Variants in LYZL4 observed in about 807,000 individuals in gnomAD.
LYZL4 encodes lysozyme-like protein 4.
A neutral mutation model predicts 17.6 loss-of-function variants in LYZL4; 13 were observed. That is an observed-to-expected ratio of 0.74 (90% CI 0.48 to 1.18). The LOEUF is 1.18. Ranked by LOEUF, LYZL4 falls within the 50% of genes most tolerant of loss-of-function variation. The pLI, the probability that LYZL4 is intolerant of heterozygous loss-of-function variation, is 0.00. For missense variants in LYZL4, 174 were observed against 188.2 expected, an observed-to-expected ratio of 0.92 and a Z score of 0.44; for synonymous variants, 64 against 67.7, an observed-to-expected ratio of 0.95 and a Z score of 0.27.
the LYZL4 span, among the ~76,000 whole-genome samples, chr3:42,371,181 T>C: frequency 1.3e-5 from 2 of 152,240 alleles, no homozygotes; most frequent in Non-Finnish European, 1.5e-5. Flanking sequence ...GTTGTCCTAG[T>C]CTGGATGGTG....
At chr3:42,407,089 G>C in intron 2 of LYZL4, 24 bp downstream of exon 2, 1 of 1,613,682 alleles carries the variant, frequency 6.2e-7, no homozygotes, top group Non-Finnish European at 8.5e-7. Flanking sequence ...TGAGAGGAGG[G>C]AGCACTAAGT....
chr3:42,399,539 G>A (rs1365031610), intron 4 of LYZL4, among the ~76,000 whole-genome samples: 3 of 152,160 alleles, frequency 2.0e-5, no homozygotes, highest in Admixed American at 2.0e-4. Context: ...ATAATGCCAA[G>A]ATTCATGAGC....
At chr3:42,393,685 G>A (rs1698517436), downstream of LYZL4, among the ~76,000 whole-genome samples, 1 of 152,216 alleles carries the variant, frequency 6.6e-6, no homozygotes, top group Admixed American at 6.5e-5. Context: ...GAGTTATCTG[G>A]AGAAGCTTTG....
chr3:42,402,330 T>A (rs1197955604), intron 4 of LYZL4, among the ~76,000 whole-genome samples: 1 of 149,936 alleles, frequency 6.7e-6, no homozygotes, highest in African/African-American at 2.5e-5. Flanking sequence ...TTTTTTTTTT[T>A]TTGAGATGTC....
the LYZL4 span, among the ~76,000 whole-genome samples, chr3:42,389,841 C>G: frequency 6.6e-6 from 1 of 152,160 alleles, no homozygotes; most frequent in Non-Finnish European, 1.5e-5. Flanking sequence ...TAGTACCTCT[C>G]TCCACTCCCT....
the LYZL4 span, among the ~76,000 whole-genome samples, chr3:42,366,382 C>A: frequency 6.6e-6 from 1 of 152,188 alleles, no homozygotes; most frequent in African/African-American, 2.4e-5. Context: ...TGCCTTTCTT[C>A]CCTGGCACAC....
chr3:42,377,104 A>G, the LYZL4 span, among the ~76,000 whole-genome samples: 12,536 of 152,278 alleles, frequency 0.082, 784 homozygotes, highest in East Asian at 0.3. Context: ...AAAGGGCTGC[A>G]GGATCCTGAA....
intron 3 of LYZL4, among the ~76,000 whole-genome samples, chr3:42,404,652 G>C (rs953778994): frequency 4.6e-5 from 7 of 152,236 alleles, no homozygotes; most frequent in African/African-American, 1.2e-4. Context: ...TGGAGAGATA[G>C]AGATATAGAT....
At chr3:42,373,650 C>T in the LYZL4 span, among the ~76,000 whole-genome samples, 3 of 152,110 alleles carry the variant, frequency 2.0e-5, no homozygotes, top group African/African-American at 4.8e-5. Flanking sequence ...GAATAGCACA[C>T]TAAGACATGC....
chr3:42,376,846 T>C, the LYZL4 span, among the ~76,000 whole-genome samples: 7 of 152,374 alleles, frequency 4.6e-5, no homozygotes, highest in South Asian at 6.2e-4. Flanking sequence ...TCAGGACTTA[T>C]GGCCTTATCT....
the LYZL4 span, among the ~76,000 whole-genome samples, chr3:42,386,404 C>T: frequency 3.0e-5 from 4 of 132,634 alleles, no homozygotes; most frequent in South Asian, 5.4e-4. Context: ...CGCCCCCCCC[C>T]CCCCCCCCGC....
the LYZL4 span, among the ~76,000 whole-genome samples, chr3:42,377,356 G>C: frequency 2.0e-5 from 3 of 152,138 alleles, no homozygotes; most frequent in Non-Finnish European, 4.4e-5. Flanking sequence ...TGGCAAAAGA[G>C]AGAAACCAAT....
chr3:42,375,745 T>C, the LYZL4 span, among the ~76,000 whole-genome samples: 3,610 of 152,264 alleles, frequency 0.024, 126 homozygotes, highest in African/African-American at 0.082. Flanking sequence ...TTCTCCTTAT[T>C]AAAGAATATA....
the LYZL4 span, among the ~76,000 whole-genome samples, chr3:42,375,587 G>C: frequency 2.6e-5 from 4 of 152,212 alleles, no homozygotes; most frequent in Non-Finnish European, 5.9e-5. Context: ...GAAGACTGAA[G>C]TACCCAGAGA....
At chr3:42,392,875 T>C (rs61083637), downstream of LYZL4, among the ~76,000 whole-genome samples, 10,023 of 152,074 alleles carry the variant, frequency 0.066, 525 homozygotes, top group African/African-American at 0.14. Context: ...GAGTTACTAG[T>C]AATGGCAAGG....
At chr3:42,397,731 G>A (rs1259584963) in intron 4 of LYZL4, among the ~76,000 whole-genome samples, 1 of 152,100 alleles carries the variant, frequency 6.6e-6, no homozygotes, top group African/African-American at 2.4e-5. Flanking sequence ...GCAGACCCTA[G>A]GCCTGCAAAT....
At chr3:42,372,201 TG>T in the LYZL4 span, among the ~76,000 whole-genome samples, 1 of 152,130 alleles carries the variant, frequency 6.6e-6, no homozygotes, top group Non-Finnish European at 1.5e-5. Flanking sequence ...CATCATGTGA[TG>T]GGATAGGAAA....
At chr3:42,372,301 G>A in the LYZL4 span, among the ~76,000 whole-genome samples, 1 of 152,200 alleles carries the variant, frequency 6.6e-6, no homozygotes, top group Non-Finnish European at 1.5e-5. Context: ...TGTCAGGTGC[G>A]AGTGATCACT....
At chr3:42,375,370 T>C in the LYZL4 span, among the ~76,000 whole-genome samples, 1 of 152,244 alleles carries the variant, frequency 6.6e-6, no homozygotes, top group Non-Finnish European at 1.5e-5. Context: ...CAAGCCCTGG[T>C]TACTTTACCT....
Sources: gnomAD v4.1 joint callset for allele counts (sites outside exome capture counted in the v4.1 genomes callset) on GRCh38, gnomAD v4.1.1 for gene constraint, MANE v1.5 for transcripts, NCBI Gene and HGNC (gene_info 2026-07-23, HGNC 2026-07-21) for gene names.